RYR2: variants seen among roughly 807,000 people sequenced by gnomAD.
RYR2 encodes the protein cardiac muscle ryanodine receptor-calcium release channel.
A neutral mutation model predicts 601.1 loss-of-function variants in RYR2; 227 were observed. That is an observed-to-expected ratio of 0.38 (90% CI 0.34 to 0.42). The LOEUF is 0.42. Among genes scored for constraint, RYR2 ranks in the 10% least tolerant of loss-of-function variants. The pLI is 1.00. For missense variants in RYR2, 4,646 were observed against 6,156.5 expected (o/e 0.75, Z 8.21); for synonymous variants, 2,223 against 2,175.1 (o/e 1.02, Z -0.61).
At chr1:237,463,906 A>G (rs1004404643) in intron 16 of RYR2, among the ~76,000 whole-genome samples, 1 of 152,214 alleles carries the variant, frequency 6.6e-6, no homozygotes, top group Non-Finnish European at 1.5e-5. Context: ...CATTAACTTT[A>G]TTGTACTATT....
intron 8 of RYR2, among the ~76,000 whole-genome samples, chr1:237,379,715 C>T (rs868771912): frequency 6.6e-6 from 1 of 152,176 alleles, no homozygotes; most frequent in Non-Finnish European, 1.5e-5. Context: ...GAAGCCTCAA[C>T]CTCCTATTCT....
chr1:237,561,217 G>A (rs982110499), intron 27 of RYR2, among the ~76,000 whole-genome samples: 5 of 152,142 alleles, frequency 3.3e-5, no homozygotes, highest in East Asian at 1.9e-4. Context: ...TGATTTTACC[G>A]AAGTTATGTG....
chr1:237,378,838 G>A (rs982426619), intron 8 of RYR2, among the ~76,000 whole-genome samples: 9 of 152,178 alleles, frequency 5.9e-5, no homozygotes, highest in Non-Finnish European at 7.3e-5. Flanking sequence ...AAGAGGTAAT[G>A]ATGAAGACAA....
At chr1:237,308,650 G>A (rs1024321814) in intron 2 of RYR2, among the ~76,000 whole-genome samples, 1 of 152,162 alleles carries the variant, frequency 6.6e-6, no homozygotes, top group Admixed American at 6.5e-5. Flanking sequence ...GGTCTTGCTG[G>A]CCTCATGAAT....
In RYR2 at chr1:237,639,159, C is replaced by A. The variant is rs954868104; in HGVS notation, c.7073C>A (p.Ser2358Tyr). The change falls in exon 46 of 105, where the codon TCC becomes TAC. Residue 2358 changes from serine (S) to tyrosine (Y), a missense_variant. Physicochemically the swap from Ser to Tyr is moderately radical, Grantham distance 144 (BLOSUM62 -2). This residue lies in a region of RYR2 where 1,497 missense variants were observed against 1,842.6 expected (regional missense o/e 0.81). Coordinates refer to ENST00000366574, the MANE Select transcript of RYR2 (RefSeq NM_001035.3). Reference protein sequence around the residue: ...EEAIKIAEDPSRDGPSPNSGS... With the variant: ...EEAIKIAEDPYRDGPSPNSGS... ...GCCATCAAAATCGCCGAGGATCCTT[C>A]CCGAGATGGTCCCTCACCAAATAGC... 6.2e-7 allele frequency: 1 copy of A among 1,613,742 alleles called. No individual in the cohort carries two copies. Among genetic ancestry groups the A allele is most frequent in the Non-Finnish European group, 8.5e-7 (1 of 1,179,782 alleles).
intron 33 of RYR2, 60 bp from the exon 34 acceptor site, chr1:237,595,438 T>C: frequency 1.9e-6 from 3 of 1,585,470 alleles, no homozygotes; most frequent in Non-Finnish European, 1.7e-6. Context: ...TTGCAAGATA[T>C]ACCTGCTTTC....
At chr1:237,280,932 G>T (rs1053876716) in intron 2 of RYR2, among the ~76,000 whole-genome samples, 1 of 151,788 alleles carries the variant, frequency 6.6e-6, no homozygotes, top group Non-Finnish European at 1.5e-5. Flanking sequence ...TTACAGGCAC[G>T]CACCACCACA....
chr1:237,773,703 A>G (rs920393331), intron 87 of RYR2, 55 bp downstream of exon 87: 70 of 1,498,966 alleles, frequency 4.7e-5, no homozygotes, highest in Non-Finnish European at 6.1e-5. Flanking sequence ...AGAAAAATGC[A>G]GTATATCTAG....
At chr1:237,584,906 ATT>A (rs35947237) in intron 29 of RYR2, among the ~76,000 whole-genome samples, 6 of 149,478 alleles carry the variant, frequency 4.0e-5, no homozygotes, top group Admixed American at 2.7e-4. Context: ...CTAATTTGTT[ATT>A]TTTTTTTTTT....
chr1:237,728,319 G>T (rs1026735719), intron 76 of RYR2, among the ~76,000 whole-genome samples: 2 of 152,134 alleles, frequency 1.3e-5, no homozygotes, highest in Non-Finnish European at 2.9e-5. Flanking sequence ...CTCCTCAAAT[G>T]TGCTACTTCT....
At chr1:237,111,791 T>C (rs1192929337) in intron 1 of RYR2, among the ~76,000 whole-genome samples, 1 of 152,192 alleles carries the variant, frequency 6.6e-6, no homozygotes, top group African/African-American at 2.4e-5. Flanking sequence ...CAAACCTGTC[T>C]GGCTCCTGCC....
intron 17 of RYR2, among the ~76,000 whole-genome samples, chr1:237,490,372 C>T (rs1025483268): frequency 6.6e-6 from 1 of 152,080 alleles, no homozygotes; most frequent in African/African-American, 2.4e-5. Flanking sequence ...CAGCCGTGTG[C>T]TCTATAGCAA....
chr1:237,393,478 G>A (rs750060295), intron 10 of RYR2, among the ~76,000 whole-genome samples: 3 of 152,232 alleles, frequency 2.0e-5, no homozygotes. Context: ...GTTTATATCT[G>A]TGTACACAAC....
At chr1:237,262,245 G>GTTGTTTTTTTTTT (rs1688599609) in intron 1 of RYR2, among the ~76,000 whole-genome samples, 2 of 61,106 alleles carry the variant, frequency 3.3e-5, no homozygotes, top group African/African-American at 1.2e-4. Context: ...GTTCTAAAGA[G>GTTGTTTTTTTTTT]TTTTTTTTTT....
intron 22 of RYR2, among the ~76,000 whole-genome samples, chr1:237,506,360 A>T (rs1356593181): frequency 6.6e-6 from 1 of 151,994 alleles, no homozygotes; most frequent in Non-Finnish European, 1.5e-5. Context: ...ACACGGTGAA[A>T]CCCCGTCTCT....
intron 1 of RYR2, among the ~76,000 whole-genome samples, chr1:237,206,244 G>A (rs1274999564): frequency 1.3e-5 from 2 of 152,158 alleles, no homozygotes; most frequent in African/African-American, 4.8e-5. Flanking sequence ...CTGAGGGCTT[G>A]GGTCCAGAGC....
intron 34 of RYR2, among the ~76,000 whole-genome samples, chr1:237,600,311 A>C (rs1676361801): frequency 6.6e-6 from 1 of 152,178 alleles, no homozygotes; most frequent in Non-Finnish European, 1.5e-5. Flanking sequence ...TCCATATCCA[A>C]CTAATTTTCA....
chr1:237,278,371 G>A (rs953543068), intron 2 of RYR2, among the ~76,000 whole-genome samples: 2 of 144,240 alleles, frequency 1.4e-5, no homozygotes, highest in African/African-American at 5.1e-5. Flanking sequence ...GATTACAGCT[G>A]TCAGCCACCG....
At chr1:237,300,091 G>T (rs1281327804) in intron 2 of RYR2, among the ~76,000 whole-genome samples, 1 of 152,072 alleles carries the variant, frequency 6.6e-6, no homozygotes, top group African/African-American at 2.4e-5. Flanking sequence ...CTCACTTTTT[G>T]TTTGAATCGG....
Sources: allele counts gnomAD v4.1 joint callset (sites outside exome capture counted in the v4.1 genomes callset), GRCh38; gene constraint gnomAD v4.1.1; regional missense constraint gnomAD v4.1.1; transcripts MANE v1.5; gene names NCBI Gene and HGNC (gene_info 2026-07-23, HGNC 2026-07-21).